The following PDE4B variants were observed in gnomAD, a reference collection of about 807,000 sequenced individuals.
PDE4B encodes phosphodiesterase 4B.
Under a neutral mutation model 82.2 loss-of-function variants are expected in PDE4B, and 20 were observed. The observed-to-expected ratio is 0.24, with a 90% CI of 0.17 to 0.35. The LOEUF (loss-of-function observed/expected upper bound fraction) is 0.35. PDE4B is among the 10% of genes least tolerant of loss of function. The probability of loss-of-function intolerance (pLI) is 1.00; values close to 1 mark genes in which losing one functional copy is unlikely to be tolerated. For missense variants in PDE4B, 655 were observed against 907.2 expected, an observed-to-expected ratio of 0.72 and a Z score of 3.57; for synonymous variants, 320 against 318.9, an observed-to-expected ratio of 1.00 and a Z score of -0.04.
At chr1:65,847,558 G>A (rs1646281218) in intron 1 of PDE4B, among the ~76,000 whole-genome samples, 1 of 152,146 alleles carries the variant, frequency 6.6e-6, no homozygotes, top group Non-Finnish European at 1.5e-5. Flanking sequence ...ATCCCTTTGT[G>A]ATTATAGCAG....
At chr1:66,165,952 GA>G (rs138170760) in intron 3 of PDE4B, among the ~76,000 whole-genome samples, 3,363 of 139,110 alleles carry the variant, frequency 0.024, 59 homozygotes, top group African/African-American at 0.045. Context: ...ACCTTGAGGG[GA>G]AAAAAAAAAA....
chr1:65,847,980 G>C (rs537785519), intron 1 of PDE4B, among the ~76,000 whole-genome samples: 6 of 151,864 alleles, frequency 4.0e-5, no homozygotes, highest in African/African-American at 7.3e-5. Flanking sequence ...AGCTTTATCA[G>C]TACAATAAAA....
chr1:66,275,902 C>T (rs777606186), intron 7 of PDE4B, among the ~76,000 whole-genome samples: 6 of 152,308 alleles, frequency 3.9e-5, no homozygotes, highest in Non-Finnish European at 5.9e-5. Flanking sequence ...GCACCAAAAG[C>T]GACCCCTTGG....
intron 1 of PDE4B, among the ~76,000 whole-genome samples, chr1:65,855,546 C>T (rs545621627): frequency 6.6e-6 from 1 of 152,260 alleles, no homozygotes; most frequent in East Asian, 1.9e-4. Flanking sequence ...TCAAATGTTT[C>T]CCATTTCTGG....
chr1:66,238,154 A>C (rs1347386442), intron 3 of PDE4B, among the ~76,000 whole-genome samples: 2 of 152,198 alleles, frequency 1.3e-5, no homozygotes, highest in East Asian at 3.8e-4. Context: ...TCATTCATTC[A>C]CTCGACAAAT....
intron 12 of PDE4B, among the ~76,000 whole-genome samples, chr1:66,364,714 T>C (rs909625811): frequency 2.6e-5 from 4 of 152,214 alleles, no homozygotes; most frequent in Non-Finnish European, 4.4e-5. Flanking sequence ...GAAAGAGTAC[T>C]GTTTTTATAC....
intron 8 of PDE4B, among the ~76,000 whole-genome samples, chr1:66,349,414 A>G (rs533371802): frequency 2.6e-5 from 4 of 152,274 alleles, no homozygotes; most frequent in African/African-American, 9.6e-5. Context: ...TGTTTAGAAG[A>G]GTTTCTTTCT....
intron 3 of PDE4B, among the ~76,000 whole-genome samples, chr1:65,919,333 G>T (rs936470940): frequency 6.6e-6 from 1 of 152,122 alleles, no homozygotes; most frequent in Non-Finnish European, 1.5e-5. Context: ...TGAAAATTGC[G>T]CTATGAGAGA....
intron 6 of PDE4B, among the ~76,000 whole-genome samples, chr1:66,263,572 G>A (rs1654835173): frequency 6.6e-6 from 1 of 152,174 alleles, no homozygotes. Flanking sequence ...GACCTGAAGA[G>A]TATGTAAGCA....
At chr1:66,356,747 G>C (rs1662279644) in intron 9 of PDE4B, among the ~76,000 whole-genome samples, 1 of 152,180 alleles carries the variant, frequency 6.6e-6, no homozygotes, top group Admixed American at 6.5e-5. Flanking sequence ...CTCATACAGA[G>C]CTTACTGCAT....
At chr1:66,151,296 C>T (rs1646389059) in intron 3 of PDE4B, among the ~76,000 whole-genome samples, 1 of 152,114 alleles carries the variant, frequency 6.6e-6, no homozygotes, top group African/African-American at 2.4e-5. Flanking sequence ...TCCCCATTGC[C>T]TACATGTTAA....
intron 7 of PDE4B, among the ~76,000 whole-genome samples, chr1:66,270,127 T>C (rs529392473): frequency 6.6e-6 from 1 of 152,318 alleles, no homozygotes; most frequent in African/African-American, 2.4e-5. Flanking sequence ...TTGCTGCAGA[T>C]ACTAATGATA....
chr1:66,124,257 G>T (rs1338410044), intron 3 of PDE4B, among the ~76,000 whole-genome samples: 1 of 152,144 alleles, frequency 6.6e-6, no homozygotes, highest in Non-Finnish European at 1.5e-5. Flanking sequence ...GCTTGAAATG[G>T]AAAATGATCA....
chr1:66,248,186 A>T (rs908908448), intron 4 of PDE4B, among the ~76,000 whole-genome samples: 1 of 151,888 alleles, frequency 6.6e-6, no homozygotes, highest in African/African-American at 2.4e-5. Context: ...GACACAACAC[A>T]CTCCACCGCC....
intron 3 of PDE4B, among the ~76,000 whole-genome samples, chr1:66,236,191 T>G (rs1652432265): frequency 6.6e-6 from 1 of 152,176 alleles, no homozygotes; most frequent in Admixed American, 6.5e-5. Context: ...TTTTTAAAAT[T>G]TTAATAGTTA....
At chr1:66,213,370 C>G (rs1341710835) in intron 3 of PDE4B, among the ~76,000 whole-genome samples, 1 of 152,016 alleles carries the variant, frequency 6.6e-6, no homozygotes, top group East Asian at 1.9e-4. Context: ...CCTTAAGATG[C>G]CTATTAAGTA....
chr1:66,298,204 C>G (rs1657642692), intron 7 of PDE4B, among the ~76,000 whole-genome samples: 1 of 152,132 alleles, frequency 6.6e-6, no homozygotes, highest in Non-Finnish European at 1.5e-5. Flanking sequence ...TCCAAAGTCA[C>G]TATAGTCATA....
At chr1:66,218,987 A>G (rs760410445) in intron 3 of PDE4B, among the ~76,000 whole-genome samples, 1 of 152,198 alleles carries the variant, frequency 6.6e-6, no homozygotes, top group Non-Finnish European at 1.5e-5. Flanking sequence ...TTCTGCCAAC[A>G]GTATTTGATA....
At chr1:66,307,705 A>C (rs1423341900) in intron 7 of PDE4B, among the ~76,000 whole-genome samples, 2 of 152,128 alleles carry the variant, frequency 1.3e-5, no homozygotes, top group Non-Finnish European at 2.9e-5. Flanking sequence ...TATGCTGTTC[A>C]ACTATGGAAG....
Sources: gnomAD v4.1 joint callset for allele counts (sites outside exome capture counted in the v4.1 genomes callset) on GRCh38, gnomAD v4.1.1 for gene constraint, MANE v1.5 for transcripts, NCBI Gene and HGNC (gene_info 2026-07-23, HGNC 2026-07-21) for gene names.